The following SBF1 variants were observed in gnomAD, a reference collection of about 807,000 sequenced individuals.
SBF1 encodes the protein SET binding factor 1.
Under a neutral mutation model 215.8 loss-of-function variants are expected in SBF1, and 65 were observed. That is an observed-to-expected ratio of 0.30 (90% CI 0.25 to 0.37). The LOEUF (loss-of-function observed/expected upper bound fraction) is 0.37, where lower values mean the gene tolerates loss of function less well. SBF1 is among the 10% of genes least tolerant of loss of function. The pLI is 1.00. For missense variants in SBF1, 2,634 were observed against 2,667.8 expected (o/e 0.99, Z 0.28); for synonymous variants, 1,410 against 1,122.8 (o/e 1.26, Z -5.11).
At chr22:50,466,577 C>T in intron 6 of SBF1, 28 bp downstream of exon 6, 8 of 1,536,478 alleles carry the variant, frequency 5.2e-6, no homozygotes, top group Non-Finnish European at 7.0e-6. Context: ...GAGGGGAAGC[C>T]ATGCGGGGGT....
intron 1 of SBF1, among the ~76,000 whole-genome samples, chr22:50,470,740 T>G: frequency 6.6e-6 from 1 of 152,202 alleles, no homozygotes; most frequent in African/African-American, 2.4e-5. Context: ...TACAGTCGGC[T>G]ACACAACCAT....
chr22:50,449,989 T>A lies in SBF1; in HGVS notation c.5044-1339A>T, dbSNP rs181459118. ...TCACCTGTTTTCTGCCCAGCCACAG[T>A]GCAGGGAGGCAGGGCCAGAGCAACA... is the stretch of plus-strand genomic sequence containing the variant. On this transcript the variant is annotated intron_variant, in intron 36 of 40. Coordinates refer to ENST00000380817, the MANE Select transcript of SBF1 (RefSeq NM_002972.4). Among the ~76,000 whole-genome samples, 340 of 152,324 alleles carry A rather than the reference T, an allele frequency of 2.2e-3. 1 individual carries two copies. The highest frequency in any genetic ancestry group is 3.7e-3 in the Non-Finnish European group (250 of 68,036).
chr22:50,467,206 T>A, intron 5 of SBF1, 132 bp downstream of exon 5: 3 of 708,436 alleles, frequency 4.2e-6, no homozygotes, highest in Non-Finnish European at 7.2e-6. Flanking sequence ...GGGGCAATGG[T>A]GGCACGAGGA....
At chr22:50,454,485 C>T in intron 36 of SBF1, 27 bp downstream of exon 36, 3 of 1,592,442 alleles carry the variant, frequency 1.9e-6, no homozygotes, top group Non-Finnish European at 2.6e-6. Context: ...GGTGCCAGGC[C>T]AGACCCTGCT....
In SBF1 at chr22:50,459,937, C is replaced by A. The variant is rs772200952; in HGVS notation, c.3491+15G>T. On this transcript the variant is annotated intron_variant, in intron 26 of 40. Transcript: ENST00000380817. ...CACGTGTCCACCACCCGGGCCAGCC[C>A]TGGCCGGCCCTCACCTGCGGCAGAT... 1 of 1,612,644 alleles carries A rather than the reference C, an allele frequency of 6.2e-7. No homozygotes were observed. The highest frequency in any genetic ancestry group is 1.3e-5 in the African/African-American group (1 of 74,942).
chr22:50,453,359 C>G (rs2067122037), intron 36 of SBF1, among the ~76,000 whole-genome samples: 1 of 152,206 alleles, frequency 6.6e-6, no homozygotes, highest in South Asian at 2.1e-4. Context: ...CAAACCATGA[C>G]TCCCGTACTC....
intron 36 of SBF1, among the ~76,000 whole-genome samples, chr22:50,450,510 G>A (rs1178403227): frequency 6.7e-6 from 1 of 150,226 alleles, no homozygotes. Context: ...GACAAAGTGA[G>A]ACTCTGCCTC....
At chr22:50,452,860 G>A (rs760563715) in intron 36 of SBF1, among the ~76,000 whole-genome samples, 2 of 151,870 alleles carry the variant, frequency 1.3e-5, no homozygotes, top group Non-Finnish European at 2.9e-5. Context: ...GTGTCAACAG[G>A]GTGATGTAAT....
chr22:50,460,755 CA>C (rs2067473121), intron 23 of SBF1, 43 bp from the exon 24 acceptor site: 1 of 1,584,132 alleles, frequency 6.3e-7, no homozygotes, highest in African/African-American at 1.3e-5. Context: ...GGTGGCCCCC[CA>C]GCCCCTCCCC....
At chr22:50,454,470 A>AG (rs780794484) in intron 36 of SBF1, 42 bp downstream of exon 36, 7 of 1,528,726 alleles carry the variant, frequency 4.6e-6, no homozygotes, top group African/African-American at 4.1e-5. Context: ...GAGCGAGAGG[A>AG]GGGGGGTGCC....
rs2066920063 is a variant in SBF1, at chr22:50,448,455, G to A, written c.5152-11C>T. On this transcript the variant is annotated splice_polypyrimidine_tract_variant and intron_variant, in intron 37 of 40. Transcript: ENST00000380817. Reference sequence around the variant, plus strand: ...GGAGCTAGGGGTGCCCTGGGAACAGGAGGTTGGGACTTGGGTCAGGGCTGG... The same window carrying A: ...GGAGCTAGGGGTGCCCTGGGAACAGAAGGTTGGGACTTGGGTCAGGGCTGG... 5 of 1,613,170 alleles carry A rather than the reference G, an allele frequency of 3.1e-6. No individual in the cohort carries two copies. The highest frequency in any genetic ancestry group is 4.2e-6 in the Non-Finnish European group (5 of 1,179,618).
chr22:50,472,941 C>T (rs140767418), intron 1 of SBF1, among the ~76,000 whole-genome samples: 1 of 152,290 alleles, frequency 6.6e-6, no homozygotes, highest in Non-Finnish European at 1.5e-5. Flanking sequence ...CTGCAGTGGA[C>T]CACTTATCAC....
chr22:50,447,029 C>A lies in SBF1; in HGVS notation c.*113G>T. The A allele has an allele frequency of 2.0e-5, 19 of 935,284 alleles. 1 individual carries two copies. The South Asian group carries it at 2.8e-4, about 14-fold the overall frequency. The allele number at this position is 935,284 out of a possible 1,614,324, so 57.9% of individuals were successfully genotyped here. On this transcript the variant is annotated 3_prime_UTR_variant, in exon 41 of 41. Coordinates refer to ENST00000380817, the MANE Select transcript of SBF1 (RefSeq NM_002972.4). ...GCTGTACACACAAGTGCTGGGGGCT[C>A]GGGGCCTCAATACTGTCGAGGGCCG... is the stretch of plus-strand genomic sequence containing the variant.
chr22:50,457,439 C>T, intron 28 of SBF1: 3 of 294,872 alleles, frequency 1.0e-5, no homozygotes, highest in Non-Finnish European at 1.9e-5. Context: ...CACATCCTGG[C>T]CCTTTGTCCT....
At chr22:50,463,153 G>A (rs1012920290) in intron 16 of SBF1, 130 bp downstream of exon 16, 49 of 1,300,408 alleles carry the variant, frequency 3.8e-5, no homozygotes, top group Admixed American at 6.0e-5. Context: ...CCTGCAGACC[G>A]AGGACCCCTG....
At chr22:50,461,433 G>C in intron 22 of SBF1, 90 bp downstream of exon 22, 1 of 1,497,772 alleles carries the variant, frequency 6.7e-7, no homozygotes, top group Non-Finnish European at 8.9e-7. Flanking sequence ...CAGAACCCCC[G>C]AGAAAAGGGA....
intron 1 of SBF1, 27 bp downstream of exon 1, chr22:50,474,759 C>T (rs1427914917): frequency 4.3e-5 from 63 of 1,462,864 alleles, no homozygotes; most frequent in Non-Finnish European, 5.6e-5. Context: ...CGGCCCCCGG[C>T]CCTCAGCGCT....
Position 50,464,716 on chromosome 22 carries a change from G to A in SBF1, c.1454C>T (p.Ala485Val), listed in dbSNP as rs746443184. 99 of 1,606,712 alleles carry A rather than the reference G, an allele frequency of 6.2e-5. No homozygotes were observed. Among genetic ancestry groups the A allele is most frequent in the Middle Eastern group, 4.9e-4 (3 of 6,076 alleles). The change falls in exon 14 of 41, where the codon GCG becomes GTG. Residue 485 changes from alanine to valine, a missense_variant. Coordinates refer to ENST00000380817, the MANE Select transcript of SBF1 (RefSeq NM_002972.4). ...ACCGGGCCTCTGTACCTTGTGCATC[G>A]CCACGGCTGGGTACGGGTTCTCCTG... ...YKNENPYPAVAMHKVQRPGES... is the reference protein window; with the variant it reads ...YKNENPYPAVVMHKVQRPGES...
intron 15 of SBF1, 29 bp from the exon 16 acceptor site, chr22:50,463,461 G>C: frequency 6.5e-7 from 1 of 1,537,084 alleles, no homozygotes. Flanking sequence ...GACACGGGCT[G>C]AGGGCACAGA....
Sources: allele counts gnomAD v4.1 joint callset (sites outside exome capture counted in the v4.1 genomes callset), GRCh38; gene constraint gnomAD v4.1.1; transcripts MANE v1.5; gene names NCBI Gene and HGNC (gene_info 2026-07-23, HGNC 2026-07-21).